The following GLI2 variants were observed in gnomAD, a reference collection of about 807,000 sequenced individuals.
GLI2 encodes the protein transcription activator GLI2.
GLI2 carries 22 observed loss-of-function variants against 78.9 expected under a neutral mutation model. That is an observed-to-expected ratio of 0.28 (90% CI 0.20 to 0.40). GLI2 has a LOEUF of 0.40. Among genes scored for constraint, GLI2 ranks in the 10% least tolerant of loss-of-function variants. GLI2 has a pLI of 1.00. For missense variants in GLI2, 2,097 were observed against 2,213.2 expected, an observed-to-expected ratio of 0.95 and a Z score of 1.05; for synonymous variants, 974 against 963.7, an observed-to-expected ratio of 1.01 and a Z score of -0.20.
chr2:120,961,063 T>G (rs944156626), intron 5 of GLI2, among the ~76,000 whole-genome samples: 1 of 152,120 alleles, frequency 6.6e-6, no homozygotes, highest in Admixed American at 6.5e-5. Flanking sequence ...GTTATGCTGT[T>G]GAATATTGGT....
rs1045997211 is a variant in GLI2, at chr2:120,989,158, A to G, written c.3193A>G (p.Thr1065Ala). The change falls in exon 14 of 14, where the codon ACC (threonine) becomes GCC (alanine). Residue 1065 changes from threonine to alanine, a missense_variant. This residue lies in a region of GLI2 where 1,290 missense variants were observed against 1,261.7 expected (regional missense o/e 1.02). Transcript: ENST00000361492. The part of the protein sequence containing the change: ...AHASGALDEG[T>A]GQVYPTESTG... ...CGCCAGTGGCGCTCTGGACGAGGGC[A>G]CCGGGCAGGTGTATCCCACGGAAAG... is the stretch of plus-strand genomic sequence containing the variant. 1.2e-6 allele frequency: 2 copies of G among 1,613,040 alleles called. No individual in the cohort carries two copies. Among genetic ancestry groups the G allele is most frequent in the Non-Finnish European group, 1.7e-6 (2 of 1,180,004 alleles).
At chr2:120,978,192 T>C (rs1682548924) in intron 9 of GLI2, among the ~76,000 whole-genome samples, 1 of 152,194 alleles carries the variant, frequency 6.6e-6, no homozygotes, top group Admixed American at 6.5e-5. Flanking sequence ...TGATGATTCA[T>C]GAGGAGGCGT....
At position 120,955,227 on chromosome 2, in the gene GLI2, T is replaced by G. The variant is rs1219796190; in HGVS notation, c.458-18T>G. The G allele has an allele frequency of 7.3e-7, 1 of 1,372,386 alleles. No individual in the cohort carries two copies. The highest frequency in any genetic ancestry group is 1.0e-6 in the Non-Finnish European group (1 of 998,868). 85.0% of individuals were successfully genotyped at this position (1,372,386 alleles called of 1,614,324 possible). A position where few individuals can be genotyped will look rare whatever the true frequency, so the allele number is the denominator to read the frequency against. ...GTGCCAGGTTCTGACGGCTTCTTTC[T>G]CTCCCCTCTGCCCACAGTGGCCCAG... On this transcript the variant is annotated intron_variant, in intron 4 of 13. Transcript: ENST00000361492.
intron 2 of GLI2, among the ~76,000 whole-genome samples, chr2:120,822,347 A>T (rs1456958547): frequency 6.6e-6 from 1 of 152,226 alleles, no homozygotes; most frequent in African/African-American, 2.4e-5. Flanking sequence ...AGGGACAGGG[A>T]CAAAATGACC....
At chr2:120,796,699 A>G (rs2104695356) in intron 1 of GLI2, among the ~76,000 whole-genome samples, 1 of 152,354 alleles carries the variant, frequency 6.6e-6, no homozygotes, top group East Asian at 1.9e-4. Context: ...TTTGCCCCCA[A>G]GGAGAATGTA....
chr2:120,833,922 C>T (rs1686483816), intron 2 of GLI2, among the ~76,000 whole-genome samples: 1 of 152,184 alleles, frequency 6.6e-6, no homozygotes, highest in African/African-American at 2.4e-5. Context: ...TGCAAAGTAA[C>T]ACCTAGTGGG....
intron 5 of GLI2, among the ~76,000 whole-genome samples, chr2:120,958,151 C>A (rs1305704179): frequency 6.6e-6 from 1 of 152,272 alleles, no homozygotes; most frequent in Admixed American, 6.5e-5. Flanking sequence ...GAGGTGGTGA[C>A]AGGACTGAAG....
intron 2 of GLI2, among the ~76,000 whole-genome samples, chr2:120,900,356 T>C (rs560638299): frequency 6.6e-6 from 1 of 152,292 alleles, no homozygotes; most frequent in East Asian, 1.9e-4. Flanking sequence ...CAGGATGGGG[T>C]CTGGGAGTCT....
chr2:120,893,276 G>C (rs893916870), intron 2 of GLI2, among the ~76,000 whole-genome samples: 5 of 152,326 alleles, frequency 3.3e-5, no homozygotes, highest in Admixed American at 1.3e-4. Flanking sequence ...GAATAACCAA[G>C]CCCAGCCCCT....
intron 2 of GLI2, among the ~76,000 whole-genome samples, chr2:120,799,123 A>T (rs1322345313): frequency 6.6e-6 from 1 of 152,190 alleles, no homozygotes; most frequent in African/African-American, 2.4e-5. Flanking sequence ...TGTCAGGCTG[A>T]GTTCTCATTA....
In GLI2 at chr2:120,990,731, T is replaced by C. The variant is rs1188683608; in HGVS notation, c.*56T>C. ...GGAGGGGTCATCGCTGCCCAGAGCC[T>C]GGGGATTCCAGCTGTCTTGTCTTTT... is the stretch of plus-strand genomic sequence containing the variant. On this transcript the variant is annotated 3_prime_UTR_variant, in exon 14 of 14. Coordinates refer to ENST00000361492, the MANE Select transcript of GLI2 (RefSeq NM_001374353.1). 1.4e-5 allele frequency: 20 copies of C among 1,440,884 alleles called. No individual in the cohort carries two copies. The East Asian group carries it at 3.7e-4, about 26-fold the overall frequency. 89.3% of individuals were successfully genotyped at this position (1,440,884 alleles called of 1,614,324 possible). A position where few individuals can be genotyped will look rare whatever the true frequency, so the allele number is the denominator to read the frequency against.
At chr2:120,875,936 T>C (rs1351953258) in intron 2 of GLI2, among the ~76,000 whole-genome samples, 1 of 152,186 alleles carries the variant, frequency 6.6e-6, no homozygotes, top group Non-Finnish European at 1.5e-5. Context: ...CGTTCTCTTT[T>C]AACAAGGATG....
At chr2:120,799,753 C>T (rs958641186) in intron 2 of GLI2, among the ~76,000 whole-genome samples, 2 of 152,172 alleles carry the variant, frequency 1.3e-5, no homozygotes, top group African/African-American at 2.4e-5. Context: ...GGCAGAGGTG[C>T]ATGAGCAAGA....
intron 1 of GLI2, among the ~76,000 whole-genome samples, chr2:120,781,139 A>G (rs1199775468): frequency 2.0e-5 from 3 of 152,184 alleles, no homozygotes; most frequent in South Asian, 4.1e-4. Context: ...GGAGGCTGAG[A>G]TGAGAGAATA....
chr2:120,972,709 C>T (rs2105028246), intron 8 of GLI2: 2 of 518,304 alleles, frequency 3.9e-6, no homozygotes, highest in South Asian at 2.8e-5. Context: ...TCCAATGATT[C>T]AATGCACATT....
In GLI2 at chr2:120,989,979, A is replaced by C. The variant is rs374113689; in HGVS notation, c.4014A>C (p.Gln1338His). Residue 1338 changes from glutamine to histidine, a missense_variant, in exon 14 of 14, where the codon CAA becomes CAC. Physicochemically the swap from Gln to His is conservative, Grantham distance 24. Around this residue, in one of 5 missense-constraint regions of GLI2, gnomAD observed 1,290 missense variants for 1,261.7 expected, o/e 1.02. Transcript: ENST00000361492. Reference protein sequence around the residue: ...PARQPGFMEPQTGPMGVATAG... With the variant: ...PARQPGFMEPHTGPMGVATAG... ...GCCAGCCTGGCTTCATGGAGCCCCA[A>C]ACAGGCCCGATGGGGGTGGCTACAG... 1 of 1,610,678 alleles carries C rather than the reference A, an allele frequency of 6.2e-7. No homozygotes were observed. Among genetic ancestry groups the C allele is most frequent in the Admixed American group, 1.7e-5 (1 of 59,842 alleles).
chr2:120,981,759 A>G (rs751199815), intron 10 of GLI2, among the ~76,000 whole-genome samples: 1 of 152,116 alleles, frequency 6.6e-6, no homozygotes, highest in Admixed American at 6.5e-5. Context: ...GCTTCCTGCA[A>G]TGATCTCTTC....
rs564810315 is a variant in GLI2 at position 120,942,833 on chromosome 2, C to G, written c.255-8410C>G. ...TCACTCATTCGTTCACGCCCTCACT[C>G]ATTCATTCATTCATTCGTTCACGCC... On this transcript the variant is annotated intron_variant, in intron 3 of 13. Transcript: ENST00000361492. Among the ~76,000 whole-genome samples, 17 of 143,814 alleles carry G rather than the reference C, an allele frequency of 1.2e-4. No individual in the cohort carries two copies. The East Asian group carries it at 3.5e-3, about 29-fold the overall frequency. The allele number at this position is 143,814 out of a possible 152,430, so 94.3% of individuals were successfully genotyped here.
At chr2:120,851,065 C>T (rs961273272) in intron 2 of GLI2, among the ~76,000 whole-genome samples, 2 of 152,124 alleles carry the variant, frequency 1.3e-5, no homozygotes, top group Non-Finnish European at 2.9e-5. Flanking sequence ...AAAAATCATA[C>T]GCAGATCTTT....
Sources: gnomAD v4.1 joint callset for allele counts (sites outside exome capture counted in the v4.1 genomes callset) on GRCh38, gnomAD v4.1.1 for gene constraint, gnomAD v4.1.1 regional missense constraint, MANE v1.5 for transcripts, NCBI Gene and HGNC (gene_info 2026-07-23, HGNC 2026-07-21) for gene names.